PLCB1: variants seen among roughly 807,000 people sequenced by gnomAD.
PLCB1 encodes the protein phospholipase C beta 1.
Under a neutral mutation model 161.8 loss-of-function variants are expected in PLCB1, and 46 were observed. The ratio of observed to expected loss-of-function variants is 0.28; its 90% CI spans 0.22 to 0.36. PLCB1 has a LOEUF of 0.36. Ranked by LOEUF, PLCB1 falls within the 10% of genes least tolerant of loss-of-function variation. The pLI, the probability that PLCB1 is intolerant of heterozygous loss-of-function variation, is 1.00. For synonymous variants in PLCB1, 517 were observed against 503.7 expected, an observed-to-expected ratio of 1.03 and a Z score of -0.35; for missense variants, 1,016 against 1,472.5, an observed-to-expected ratio of 0.69 and a Z score of 5.07.
At chr20:8,808,308 A>C (rs1374592643) in intron 31 of PLCB1, among the ~76,000 whole-genome samples, 1 of 152,190 alleles carries the variant, frequency 6.6e-6, no homozygotes, top group Non-Finnish European at 1.5e-5. Context: ...GTTTGCAGAC[A>C]GTGGCTTTTT....
At chr20:8,682,055 C>T (rs1424115004) in intron 9 of PLCB1, among the ~76,000 whole-genome samples, 1 of 151,980 alleles carries the variant, frequency 6.6e-6, no homozygotes, top group African/African-American at 2.4e-5. Context: ...TCTTTGAAGG[C>T]AGAGGCTGTG....
intron 2 of PLCB1, among the ~76,000 whole-genome samples, chr20:8,179,881 C>T (rs1316377613): frequency 4.8e-5 from 3 of 62,284 alleles, no homozygotes; most frequent in Admixed American, 2.8e-4. Flanking sequence ...TTTTTTGAGA[C>T]GGAGTCCCTC....
At chr20:8,521,471 A>G (rs1984345555) in intron 3 of PLCB1, among the ~76,000 whole-genome samples, 1 of 152,188 alleles carries the variant, frequency 6.6e-6, no homozygotes, top group Admixed American at 6.5e-5. Flanking sequence ...TGAGATGCTC[A>G]GGTGGGTGGA....
chr20:8,203,818 C>T (rs575824189), intron 2 of PLCB1, among the ~76,000 whole-genome samples: 5 of 152,280 alleles, frequency 3.3e-5, no homozygotes, highest in African/African-American at 1.2e-4. Context: ...CCTTAGTGTT[C>T]TTGCCCTTGA....
chr20:8,868,769 C>T (rs746769537), intron 31 of PLCB1, among the ~76,000 whole-genome samples: 1 of 152,122 alleles, frequency 6.6e-6, no homozygotes, highest in Non-Finnish European at 1.5e-5. Context: ...GCAGCTGGGG[C>T]TACAGGCACC....
intron 2 of PLCB1, among the ~76,000 whole-genome samples, chr20:8,231,735 G>A (rs1980050261): frequency 2.1e-5 from 3 of 144,130 alleles, no homozygotes; most frequent in South Asian, 4.4e-4. Flanking sequence ...AGAGCCCTGT[G>A]CAGGGCAGTC....
rs569078085 is a variant in PLCB1 at position 8,174,916 on chromosome 20, TA to T, written c.177+24551del. Among the ~76,000 whole-genome samples the T allele has an allele frequency of 2.1e-3, 320 of 151,398 alleles. 2 individuals are homozygous for T. The highest frequency in any genetic ancestry group is 0.017 in the Middle Eastern group (5 of 294). ...TTAAAAATAAAAATAATAAAATAAA[TA>T]AAAAAGATGGGTGTGGTGACATGCG... On this transcript the variant is annotated intron_variant, in intron 2 of 31. Coordinates refer to ENST00000338037, the MANE Select transcript of PLCB1 (RefSeq NM_015192.4).
intron 3 of PLCB1, among the ~76,000 whole-genome samples, chr20:8,539,644 CT>C (rs764657065): frequency 0.18 from 17,310 of 96,042 alleles, 1,683 homozygotes; most frequent in Non-Finnish European, 0.2. Context: ...TTCTTTCTTT[CT>C]TTCTTTCTTT....
chr20:8,274,150 G>A (rs1490554293), intron 2 of PLCB1, among the ~76,000 whole-genome samples: 5 of 151,676 alleles, frequency 3.3e-5, no homozygotes, highest in African/African-American at 4.8e-5. Context: ...TTTTTAAAGC[G>A]TGTCATTGTT....
At chr20:8,870,896 A>G (rs1279146787) in intron 31 of PLCB1, among the ~76,000 whole-genome samples, 1 of 152,200 alleles carries the variant, frequency 6.6e-6, no homozygotes, top group African/African-American at 2.4e-5. Context: ...ACAAAAGGAG[A>G]AAATTGTTGG....
chr20:8,137,785 C>T lies in PLCB1; in HGVS notation c.99+5035C>T, dbSNP rs537697341. On this transcript the variant is annotated intron_variant, in intron 1 of 31. Transcript: ENST00000338037. ...GTCCCCTTCTAAGGGTAACCCTTAT[C>T]TTGACTTCTAACTTTATAGTTTGGT... Among the ~76,000 whole-genome samples, 5 of 152,284 alleles carry T rather than the reference C, an allele frequency of 3.3e-5. No homozygotes were observed. In the East Asian group the frequency reaches 9.6e-4, roughly 29 times the overall value.
At chr20:8,683,845 C>A (rs1032381234) in intron 9 of PLCB1, among the ~76,000 whole-genome samples, 4 of 151,426 alleles carry the variant, frequency 2.6e-5, no homozygotes, top group Non-Finnish European at 5.9e-5. Context: ...TTGTGGGCAT[C>A]TTTATTTTCT....
At position 8,775,867 on chromosome 20, in the gene PLCB1, G is replaced by T. The variant is rs117995266; in HGVS notation, c.3111+1148G>T. On this transcript the variant is annotated intron_variant, in intron 27 of 31. Transcript: ENST00000338037. The stretch of plus-strand genomic sequence containing the variant: ...ACTGCTGCCCAATACCTAAATGTGA[G>T]GCTCAGGATTTACTTTTTAACAAGC... Among the ~76,000 whole-genome samples the T allele has an allele frequency of 1.4e-4, 21 of 152,234 alleles. No homozygotes were observed. In the East Asian group the frequency reaches 4.1e-3, roughly 29 times the overall value.
intron 3 of PLCB1, among the ~76,000 whole-genome samples, chr20:8,528,260 G>A (rs1179375830): frequency 1.3e-5 from 2 of 151,958 alleles, no homozygotes; most frequent in Non-Finnish European, 1.5e-5. Context: ...GTTCATAACA[G>A]CTTTATTCAT....
chr20:8,136,489 G>A lies in PLCB1; in HGVS notation c.99+3739G>A, dbSNP rs181034726. Among the ~76,000 whole-genome samples the A allele has an allele frequency of 2.3e-3, 346 of 152,158 alleles. 1 individual carries two copies. Among genetic ancestry groups the A allele is most frequent in the South Asian group, 0.02 (97 of 4,800 alleles). On this transcript the variant is annotated intron_variant, in intron 1 of 31. Transcript: ENST00000338037. ...AAAATACAAAAAATTAGCCGGGCGT[G>A]GTGGCGGGCGCCTGTAGTCCCAGCT...
intron 2 of PLCB1, among the ~76,000 whole-genome samples, chr20:8,313,304 G>C (rs1374170741): frequency 6.6e-6 from 1 of 152,086 alleles, no homozygotes; most frequent in Admixed American, 6.6e-5. Flanking sequence ...GCTCGCATGT[G>C]CCTGGCAGCT....
chr20:8,861,884 A>G (rs1281085988), intron 31 of PLCB1, among the ~76,000 whole-genome samples: 1 of 152,232 alleles, frequency 6.6e-6, no homozygotes, highest in Non-Finnish European at 1.5e-5. Context: ...TGGAAAAACA[A>G]TGAAAATGTA....
chr20:8,291,852 A>C (rs1983397930), intron 2 of PLCB1, among the ~76,000 whole-genome samples: 1 of 152,174 alleles, frequency 6.6e-6, no homozygotes, highest in South Asian at 2.1e-4. Context: ...GATTGATGAA[A>C]TGTATATATT....
At chr20:8,663,647 T>C (rs1439620203) in intron 9 of PLCB1, among the ~76,000 whole-genome samples, 1 of 152,132 alleles carries the variant, frequency 6.6e-6, no homozygotes, top group Admixed American at 6.6e-5. Flanking sequence ...GGGTCATGTA[T>C]GTGGGTTCCA....
Sources: allele counts gnomAD v4.1 joint callset (sites outside exome capture counted in the v4.1 genomes callset), GRCh38; gene constraint gnomAD v4.1.1; transcripts MANE v1.5; gene names NCBI Gene and HGNC (gene_info 2026-07-23, HGNC 2026-07-21).